Variants in CCDC171 observed in about 807,000 individuals in gnomAD.
CCDC171 encodes the protein coiled-coil domain containing 171, also known as coiled-coil domain-containing protein 171.
In CCDC171, 177 loss-of-function variants were observed where a neutral mutation model predicts 168.2. The ratio of observed to expected loss-of-function variants is 1.05; its 90% confidence interval spans 0.93 to 1.19. The LOEUF (loss-of-function observed/expected upper bound fraction) is 1.19, where lower values mean the gene tolerates loss of function less well. CCDC171 is among the 50% of genes most tolerant of loss of function. The pLI, the probability that CCDC171 is intolerant of heterozygous loss-of-function variation, is 0.00. For synonymous variants in CCDC171, 687 were observed against 540.8 expected, an observed-to-expected ratio of 1.27 and a Z score of -3.75; for missense variants, 1,991 against 1,539.0, an observed-to-expected ratio of 1.29 and a Z score of -4.91.
At chr9:15,762,713 A>T (rs777342950) in intron 18 of CCDC171, among the ~76,000 whole-genome samples, 1 of 152,208 alleles carries the variant, frequency 6.6e-6, no homozygotes, top group Non-Finnish European at 1.5e-5. Flanking sequence ...AAATTTGACT[A>T]GTTGTGAAAA....
chr9:15,624,824 G>C (rs144019206), intron 7 of CCDC171, among the ~76,000 whole-genome samples: 3 of 152,064 alleles, frequency 2.0e-5, no homozygotes, highest in Non-Finnish European at 4.4e-5. Flanking sequence ...TTGGGTATAT[G>C]CCCAGTAATG....
At chr9:15,623,463 A>ACGCGCACGCGCGCGCGCG in intron 7 of CCDC171, 50 bp downstream of exon 7, 2 of 633,912 alleles carry the variant, frequency 3.2e-6, no homozygotes, top group Non-Finnish European at 5.2e-6. Flanking sequence ...ACTTTCACAT[A>ACGCGCACGCGCGCGCGCG]TGCGCGCGCG....
chr9:15,942,578 A>G (rs538949077), intron 25 of CCDC171, among the ~76,000 whole-genome samples: 1 of 151,964 alleles, frequency 6.6e-6, no homozygotes, highest in Non-Finnish European at 1.5e-5. Context: ...TACAATAAAT[A>G]AGTAATAATG....
intron 11 of CCDC171, among the ~76,000 whole-genome samples, chr9:15,704,017 G>C (rs2052011418): frequency 1.3e-5 from 2 of 152,144 alleles, no homozygotes; most frequent in South Asian, 2.1e-4. Flanking sequence ...GACACAAAGA[G>C]AGCACATGCT....
At chr9:16,077,218 GAGA>G in the CCDC171 span, among the ~76,000 whole-genome samples, 2 of 152,290 alleles carry the variant, frequency 1.3e-5, no homozygotes, top group Admixed American at 6.5e-5. Flanking sequence ...GGGAGGAAAA[GAGA>G]AGGTTAGAGG....
chr9:15,915,084 C>A lies in CCDC171; in HGVS notation c.3601-5186C>A, dbSNP rs1325733437. 2.5e-5 allele frequency among the ~76,000 whole-genome samples: 3 copies of A among 118,244 alleles called. No homozygotes were observed. In the East Asian group the frequency reaches 8.3e-4, roughly 33 times the overall value. The allele number at this position is 118,244 out of a possible 152,430, so 77.6% of individuals were successfully genotyped here. On this transcript the variant is annotated intron_variant, in intron 24 of 25. Coordinates refer to ENST00000380701, the MANE Select transcript of CCDC171 (RefSeq NM_173550.4). ...CTGGGAGCTGCAGACTGGAGCTGTTCCTATTCAGACATCTTGCCAGGAATC... is the reference window on the plus strand; with the variant it reads ...CTGGGAGCTGCAGACTGGAGCTGTTACTATTCAGACATCTTGCCAGGAATC...
intron 21 of CCDC171, among the ~76,000 whole-genome samples, chr9:15,838,720 C>T (rs2136338882): frequency 6.6e-6 from 1 of 152,314 alleles, no homozygotes; most frequent in South Asian, 2.1e-4. Flanking sequence ...GCATTCACCA[C>T]CACGCCTGGC....
chr9:15,744,560 A>G lies in CCDC171; in HGVS notation c.2337A>G (p.Val779=). 1 of 1,614,230 alleles carries G rather than the reference A, an allele frequency of 6.2e-7. No homozygotes were observed. Among genetic ancestry groups the G allele is most frequent in the Non-Finnish European group, 8.5e-7 (1 of 1,180,030 alleles). ...CTCTAGCCCAGGCTTTGTCAACTGT[A>G]GAGGAAAAGAAGCAAGAGGAAGCCA... ...IRTLAQALST[V]EEKKQEEAKM... is the part of the protein sequence containing the mutation. Residue 779 remains valine (V), a synonymous_variant, in exon 17 of 26, where the codon GTA becomes GTG. Transcript: ENST00000380701.
chr9:15,894,172 A>G (rs976292511), intron 24 of CCDC171, among the ~76,000 whole-genome samples: 16 of 152,194 alleles, frequency 1.1e-4, no homozygotes, highest in African/African-American at 3.9e-4. Flanking sequence ...AAACTAACAT[A>G]GGAACAGAAA....
intron 18 of CCDC171, among the ~76,000 whole-genome samples, chr9:15,763,364 A>G (rs2056552366): frequency 6.6e-6 from 1 of 152,214 alleles, no homozygotes. Context: ...TGACCTCAAT[A>G]TCTAGTTCTT....
intron 25 of CCDC171, among the ~76,000 whole-genome samples, chr9:15,949,671 G>C (rs1387675389): frequency 5.3e-5 from 8 of 152,156 alleles, no homozygotes; most frequent in African/African-American, 1.7e-4. Context: ...CAGAGACTTT[G>C]CTGAAGTCGC....
chr9:16,023,292 T>C (rs1182381560), intron 6 of CCDC171, among the ~76,000 whole-genome samples: 1 of 152,176 alleles, frequency 6.6e-6, no homozygotes, highest in Non-Finnish European at 1.5e-5. Context: ...GTTTCTGAAA[T>C]TTATCTGACT....
rs183969234 is a variant in CCDC171, at chr9:15,891,152, G to C, written c.3600+16489G>C. 1.3e-3 allele frequency among the ~76,000 whole-genome samples: 202 copies of C among 152,204 alleles called. 1 individual carries two copies. The highest frequency in any genetic ancestry group is 2.3e-3 in the Non-Finnish European group (154 of 67,990). ...AAGAAACCAATTATGGATGTACTTT[G>C]CTGAAATTCATAAATAAAACTAACA... On this transcript the variant is annotated intron_variant, in intron 24 of 25. Transcript: ENST00000380701.
At chr9:15,881,310 A>G (rs927705060) in intron 24 of CCDC171, among the ~76,000 whole-genome samples, 7 of 152,054 alleles carry the variant, frequency 4.6e-5, no homozygotes, top group African/African-American at 1.4e-4. Flanking sequence ...AGAACTTATT[A>G]TTTTTCTCTT....
At chr9:15,947,950 T>C (rs927762519) in intron 25 of CCDC171, among the ~76,000 whole-genome samples, 3 of 152,004 alleles carry the variant, frequency 2.0e-5, no homozygotes, top group African/African-American at 7.2e-5. Flanking sequence ...GCATTGGGTA[T>C]ATCTCCCAAT....
the CCDC171 span, among the ~76,000 whole-genome samples, chr9:16,080,349 T>G: frequency 6.6e-6 from 1 of 152,230 alleles, no homozygotes; most frequent in Non-Finnish European, 1.5e-5. Context: ...TATGTGCATG[T>G]GTATATATGT....
intron 16 of CCDC171, among the ~76,000 whole-genome samples, chr9:15,735,450 C>A (rs142555976): frequency 2.0e-5 from 3 of 151,938 alleles, no homozygotes; most frequent in African/African-American, 7.2e-5. Flanking sequence ...TTTTTACTGT[C>A]AGTTAATTAA....
intron 8 of CCDC171, among the ~76,000 whole-genome samples, chr9:15,660,990 C>T (rs1366602329): frequency 6.6e-6 from 1 of 152,128 alleles, no homozygotes. Context: ...TCTTAACATG[C>T]TGTTTTTTTG....
chr9:15,944,848 C>CTTTCTTTCTT (rs1339151206), intron 25 of CCDC171, among the ~76,000 whole-genome samples: 1 of 149,126 alleles, frequency 6.7e-6, no homozygotes, highest in African/African-American at 2.5e-5. Context: ...TTCTTTCTTT[C>CTTTCTTTCTT]TTTCTTTCTT....
Sources: allele counts gnomAD v4.1 joint callset (sites outside exome capture counted in the v4.1 genomes callset), GRCh38; gene constraint gnomAD v4.1.1; transcripts MANE v1.5; gene names NCBI Gene and HGNC (gene_info 2026-07-23, HGNC 2026-07-21).